The following TYW1 variants were observed in gnomAD, a reference collection of about 807,000 sequenced individuals.
TYW1 encodes the protein tRNA-yW synthesizing protein 1 homolog.
In TYW1, 46 loss-of-function variants were observed where a neutral mutation model predicts 96.2. The observed-to-expected ratio is 0.48, with a 90% CI of 0.38 to 0.61. TYW1 has a LOEUF of 0.61. Among genes scored for constraint, TYW1 ranks in the 20% least tolerant of loss-of-function variants. The probability of loss-of-function intolerance (pLI) is 0.00; values close to 1 mark genes in which losing one functional copy is unlikely to be tolerated. For synonymous variants in TYW1, 274 were observed against 323.0 expected, an observed-to-expected ratio of 0.85 and a Z score of 1.63; for missense variants, 684 against 909.6, an observed-to-expected ratio of 0.75 and a Z score of 3.19.
In TYW1 at chr7:67,024,963, A is replaced by T. The variant is rs776983711; in HGVS notation, c.925A>T (p.Asn309Tyr). The part of the protein sequence containing the change: ...EFGGEDHQSL[N>Y]SIVDVEDLGK... ...TGGTGGTGAGGACCATCAGAGCCTA[A>T]ATTCCATTGTTGATGTTGAAGATTT... Residue 309 changes from asparagine to tyrosine, a missense_variant, in exon 7 of 16, where the codon AAT (asparagine) becomes TAT (tyrosine). Coordinates refer to ENST00000359626, the MANE Select transcript of TYW1 (RefSeq NM_018264.4). 1.9e-6 allele frequency: 3 copies of T among 1,613,686 alleles called. No individual in the cohort carries two copies. The Admixed American group carries it at 5.0e-5, about 27-fold the overall frequency.
intron 13 of TYW1, among the ~76,000 whole-genome samples, chr7:67,151,804 T>TTTG (rs1554377566): frequency 7.9e-5 from 12 of 151,718 alleles, no homozygotes; most frequent in African/African-American, 1.9e-4. Flanking sequence ...TGCTGCTTTT[T>TTTG]TTGTTGTTGT....
chr7:66,999,560 G>A (rs536175939), intron 3 of TYW1, among the ~76,000 whole-genome samples: 22 of 152,210 alleles, frequency 1.4e-4, no homozygotes, highest in African/African-American at 5.1e-4. Context: ...TGCCATGTTG[G>A]CTAGGCTGCT....
intron 15 of TYW1, among the ~76,000 whole-genome samples, chr7:67,206,126 T>G (rs1273048356): frequency 6.6e-6 from 1 of 152,244 alleles, no homozygotes; most frequent in Non-Finnish European, 1.5e-5. Flanking sequence ...CAGATGGGAC[T>G]ATTTGATATT....
At chr7:67,155,597 G>A (rs1346823128) in intron 13 of TYW1, among the ~76,000 whole-genome samples, 1 of 151,400 alleles carries the variant, frequency 6.6e-6, no homozygotes, top group East Asian at 1.9e-4. Flanking sequence ...CTGTCACCCA[G>A]GCTGGAGTGC....
At chr7:67,083,105 A>G (rs1413599621) in intron 10 of TYW1, among the ~76,000 whole-genome samples, 2 of 152,142 alleles carry the variant, frequency 1.3e-5, no homozygotes, top group Admixed American at 6.5e-5. Context: ...TGACAGTAAC[A>G]TGGTGTTGAC....
At chr7:67,064,412 G>GT (rs1655255607) in intron 9 of TYW1, among the ~76,000 whole-genome samples, 2 of 152,152 alleles carry the variant, frequency 1.3e-5, no homozygotes, top group Non-Finnish European at 1.5e-5. Context: ...GTTTAACTGG[G>GT]TTTTTACAAA....
At chr7:67,229,437 G>T (rs1801675534) in intron 15 of TYW1, among the ~76,000 whole-genome samples, 1 of 151,990 alleles carries the variant, frequency 6.6e-6, no homozygotes, top group South Asian at 2.1e-4. Flanking sequence ...TACTCAGGAG[G>T]CTGAGACAGG....
At chr7:67,144,203 C>T (rs1481763638) in intron 13 of TYW1, among the ~76,000 whole-genome samples, 3 of 152,120 alleles carry the variant, frequency 2.0e-5, no homozygotes, top group Non-Finnish European at 4.4e-5. Context: ...GAGAAAGTAT[C>T]TTTTATGTGA....
chr7:67,027,337 G>A (rs1170194221), intron 7 of TYW1, among the ~76,000 whole-genome samples: 1 of 152,030 alleles, frequency 6.6e-6, no homozygotes, highest in Non-Finnish European at 1.5e-5. Context: ...TGTATAACCT[G>A]GAGAAAGCTT....
At chr7:67,217,116 G>A (rs1008695093) in intron 15 of TYW1, among the ~76,000 whole-genome samples, 1 of 151,264 alleles carries the variant, frequency 6.6e-6, no homozygotes. Flanking sequence ...TTGGGATTTT[G>A]TTGTTGTTGT....
At chr7:67,045,688 G>T (rs1341154729) in intron 7 of TYW1, among the ~76,000 whole-genome samples, 1 of 152,188 alleles carries the variant, frequency 6.6e-6, no homozygotes, top group Non-Finnish European at 1.5e-5. Context: ...GCCTTTCCTG[G>T]TTGCATGTCA....
intron 14 of TYW1, among the ~76,000 whole-genome samples, chr7:67,187,545 A>T (rs1232921625): frequency 6.6e-6 from 1 of 152,154 alleles, no homozygotes; most frequent in Non-Finnish European, 1.5e-5. Context: ...CTTACCTGTC[A>T]TTTGTCCAGC....
intron 7 of TYW1, among the ~76,000 whole-genome samples, chr7:67,027,974 CTTGTAATCCCAGCACTT>C (rs1284430590): frequency 6.7e-6 from 1 of 150,108 alleles, no homozygotes; most frequent in Non-Finnish European, 1.5e-5. Context: ...GTGGCTCATG[CTTGTAATCCCAGCACTT>C]TGGGAGGCCG....
At chr7:67,147,825 A>G (rs1367927436) in intron 13 of TYW1, among the ~76,000 whole-genome samples, 3 of 152,214 alleles carry the variant, frequency 2.0e-5, no homozygotes, top group Non-Finnish European at 4.4e-5. Context: ...TTGGTGGGCA[A>G]CTAGTCATCT....
intron 10 of TYW1, among the ~76,000 whole-genome samples, chr7:67,076,197 C>T (rs11765918): frequency 0.063 from 9,616 of 152,226 alleles, 415 homozygotes; most frequent in South Asian, 0.11. Flanking sequence ...TGTGAGGTCC[C>T]ATTCCAGCCA....
intron 6 of TYW1, among the ~76,000 whole-genome samples, chr7:67,023,093 A>AT (rs1292035481): frequency 2.6e-5 from 4 of 151,748 alleles, no homozygotes; most frequent in African/African-American, 9.7e-5. Flanking sequence ...TTTTAATTTA[A>AT]TTTTTTTCTT....
chr7:67,025,155 T>C (rs1342593223), intron 7 of TYW1, 133 bp downstream of exon 7: 32 of 1,469,514 alleles, frequency 2.2e-5, no homozygotes, highest in Non-Finnish European at 2.8e-5. Flanking sequence ...GAGAGTTTTA[T>C]AATTTTTTTG....
intron 5 of TYW1, among the ~76,000 whole-genome samples, chr7:67,015,610 C>T (rs1178452511): frequency 6.6e-6 from 1 of 152,152 alleles, no homozygotes; most frequent in East Asian, 1.9e-4. Context: ...ACCTCAGCCT[C>T]CCAAATTTCT....
Position 67,239,414 on chromosome 7 carries a change from T to C in TYW1, c.*885T>C. ...TCTATAAGGTTCAGGTGTTTTCAAG[T>C]TGGAAAGATCATAAATACTCAAAAT... is the stretch of plus-strand genomic sequence containing the variant. On this transcript the variant is annotated 3_prime_UTR_variant, in exon 16 of 16. Transcript: ENST00000359626. 1 of 983,722 alleles carries C rather than the reference T, an allele frequency of 1.0e-6. No homozygotes were observed. The highest frequency in any genetic ancestry group is 4.7e-5 in the South Asian group (1 of 21,260). 60.9% of individuals were successfully genotyped at this position (983,722 alleles called of 1,614,324 possible). A position where few individuals can be genotyped will look rare whatever the true frequency, so the allele number is the denominator to read the frequency against.
Sources: allele counts gnomAD v4.1 joint callset (sites outside exome capture counted in the v4.1 genomes callset), GRCh38; gene constraint gnomAD v4.1.1; transcripts MANE v1.5; gene names NCBI Gene and HGNC (gene_info 2026-07-23, HGNC 2026-07-21).